SLC4A10: variants seen among roughly 807,000 people sequenced by gnomAD.
SLC4A10 encodes sodium-driven chloride bicarbonate exchanger.
A neutral mutation model predicts 137.7 loss-of-function variants in SLC4A10; 42 were observed. That is an observed-to-expected ratio of 0.30 (90% CI 0.24 to 0.39). The LOEUF (loss-of-function observed/expected upper bound fraction) is 0.39. Ranked by LOEUF, SLC4A10 falls within the 10% of genes least tolerant of loss-of-function variation. SLC4A10 has a pLI of 1.00. For missense variants in SLC4A10, 925 were observed against 1,355.0 expected, an observed-to-expected ratio of 0.68 and a Z score of 4.98; for synonymous variants, 474 against 464.1, an observed-to-expected ratio of 1.02 and a Z score of -0.27.
rs1574601528 is a variant in SLC4A10, at chr2:161,726,966, A to C, written c.49-44007A>C. 3.3e-5 allele frequency among the ~76,000 whole-genome samples: 5 copies of C among 152,364 alleles called. No individual in the cohort carries two copies. The South Asian group carries it at 1.0e-3, about 32-fold the overall frequency. On this transcript the variant is annotated intron_variant, in intron 1 of 26. Coordinates refer to ENST00000446997, the MANE Select transcript of SLC4A10 (RefSeq NM_001178015.2). ...TTGTTTAAAAAAGAGTATTGGATTA[A>C]AAGTTAATCACACTTCCAAATACTC...
intron 2 of SLC4A10, among the ~76,000 whole-genome samples, chr2:161,795,157 T>G (rs2054631450): frequency 6.6e-6 from 1 of 152,168 alleles, no homozygotes; most frequent in Admixed American, 6.6e-5. Context: ...TTTCTGTACC[T>G]GCCAATACAT....
Position 161,904,318 on chromosome 2 carries a change from T to G in SLC4A10, c.1617+140T>G. On this transcript the variant is annotated intron_variant, in intron 13 of 26. Transcript: ENST00000446997. ...TCTGGCAGATACACCTTATATGAAT[T>G]TCCTGGATGGCTAGTGGAACTGGTA... The G allele has an allele frequency of 3.4e-6, 3 of 879,962 alleles. No homozygotes were observed. In the South Asian group the frequency reaches 6.0e-5, roughly 18 times the overall value. 54.5% of individuals were successfully genotyped at this position (879,962 alleles called of 1,614,324 possible).
chr2:161,629,550 T>A (rs1027134099), intron 1 of SLC4A10, among the ~76,000 whole-genome samples: 9 of 151,898 alleles, frequency 5.9e-5, no homozygotes, highest in Admixed American at 2.0e-4. Context: ...TTACAGTTGA[T>A]GAAACATTAT....
intron 4 of SLC4A10, among the ~76,000 whole-genome samples, chr2:161,853,484 C>A (rs996579934): frequency 2.0e-5 from 3 of 152,184 alleles, no homozygotes; most frequent in Non-Finnish European, 4.4e-5. Context: ...ATCACAGACA[C>A]ATGGACTCAC....
At chr2:161,808,963 G>A (rs2056286699) in intron 3 of SLC4A10, among the ~76,000 whole-genome samples, 1 of 152,120 alleles carries the variant, frequency 6.6e-6, no homozygotes, top group African/African-American at 2.4e-5. Context: ...TGGTAGTTCT[G>A]TTTTAATTTC....
At chr2:161,791,964 A>G (rs2125538383) in intron 2 of SLC4A10, among the ~76,000 whole-genome samples, 1 of 152,330 alleles carries the variant, frequency 6.6e-6, no homozygotes, top group African/African-American at 2.4e-5. Flanking sequence ...GAAATCTTAC[A>G]AAAGTATAGC....
intron 4 of SLC4A10, among the ~76,000 whole-genome samples, chr2:161,848,104 G>T (rs1016504138): frequency 7.2e-5 from 11 of 152,146 alleles, no homozygotes; most frequent in African/African-American, 2.6e-4. Context: ...TGTAGTTTTG[G>T]TTTAGATTTC....
chr2:161,687,551 A>G (rs2041569878), intron 1 of SLC4A10, among the ~76,000 whole-genome samples: 1 of 152,104 alleles, frequency 6.6e-6, no homozygotes, highest in Non-Finnish European at 1.5e-5. Context: ...GCCTTTCCTG[A>G]TTTCACTGTT....
chr2:161,657,352 G>T (rs1397401582), intron 1 of SLC4A10, among the ~76,000 whole-genome samples: 2 of 151,904 alleles, frequency 1.3e-5, no homozygotes, highest in South Asian at 4.1e-4. Flanking sequence ...ATCAAAAAAT[G>T]TTAATTCTTT....
chr2:161,645,262 T>A (rs896153777), intron 1 of SLC4A10, among the ~76,000 whole-genome samples: 2 of 152,004 alleles, frequency 1.3e-5, no homozygotes, highest in African/African-American at 4.8e-5. Flanking sequence ...TATGTTCCCA[T>A]GAAACTATGG....
chr2:161,907,636 A>G (rs553280185), intron 15 of SLC4A10, among the ~76,000 whole-genome samples: 1 of 152,348 alleles, frequency 6.6e-6, no homozygotes, highest in African/African-American at 2.4e-5. Context: ...TTTGAGGTTC[A>G]GAGAAGGCTT....
intron 1 of SLC4A10, among the ~76,000 whole-genome samples, chr2:161,696,157 G>A (rs1204231309): frequency 6.6e-6 from 1 of 151,100 alleles, no homozygotes; most frequent in Non-Finnish European, 1.5e-5. Context: ...ATGAGAACAT[G>A]TGGTGTTTGT....
Position 161,983,326 on chromosome 2 carries a change from A to T in SLC4A10, c.*174A>T, listed in dbSNP as rs1160615900. 18 of 1,332,454 alleles carry T rather than the reference A, an allele frequency of 1.4e-5. No individual in the cohort carries two copies. Among genetic ancestry groups the T allele is most frequent in the Non-Finnish European group, 1.7e-5 (17 of 971,578 alleles). 82.5% of individuals were successfully genotyped at this position (1,332,454 alleles called of 1,614,324 possible). A position where few individuals can be genotyped will look rare whatever the true frequency, so the allele number is the denominator to read the frequency against. On this transcript the variant is annotated 3_prime_UTR_variant, in exon 27 of 27. Coordinates refer to ENST00000446997, the MANE Select transcript of SLC4A10 (RefSeq NM_001178015.2). ...TAAAACTGCTTTGATCATGTATTGTAAATTCTGTCCCTCAACCCAAATCCA... is the reference window on the plus strand; with the variant it reads ...TAAAACTGCTTTGATCATGTATTGTTAATTCTGTCCCTCAACCCAAATCCA...
At chr2:161,816,511 G>A (rs183146691) in intron 3 of SLC4A10, among the ~76,000 whole-genome samples, 1 of 151,910 alleles carries the variant, frequency 6.6e-6, no homozygotes, top group Non-Finnish European at 1.5e-5. Context: ...TAAGTTTTAG[G>A]GTACATGTGG....
At chr2:161,676,550 G>T (rs918540939) in intron 1 of SLC4A10, among the ~76,000 whole-genome samples, 14 of 151,994 alleles carry the variant, frequency 9.2e-5, no homozygotes, top group African/African-American at 3.1e-4. Flanking sequence ...TTAAAACTAG[G>T]TTATAAATTA....
chr2:161,679,686 C>CGT (rs67726464), intron 1 of SLC4A10, among the ~76,000 whole-genome samples: 96,727 of 136,462 alleles, frequency 0.71, 34,331 homozygotes, highest in Non-Finnish European at 0.77. Context: ...TGTAGGTCAA[C>CGT]GTGTGTGTGT....
intron 15 of SLC4A10, among the ~76,000 whole-genome samples, chr2:161,929,740 T>A (rs1409479315): frequency 2.0e-5 from 3 of 152,106 alleles, no homozygotes; most frequent in Non-Finnish European, 4.4e-5. Flanking sequence ...TCTCCAAGGA[T>A]CTTAAAACTT....
intron 1 of SLC4A10, among the ~76,000 whole-genome samples, chr2:161,741,820 G>A (rs1326523195): frequency 2.0e-5 from 3 of 152,092 alleles, no homozygotes; most frequent in Non-Finnish European, 4.4e-5. Flanking sequence ...TTTGTATTAC[G>A]AACATTCCAA....
At chr2:161,754,237 G>T (rs892939805) in intron 1 of SLC4A10, among the ~76,000 whole-genome samples, 4 of 151,972 alleles carry the variant, frequency 2.6e-5, no homozygotes, top group Non-Finnish European at 4.4e-5. Flanking sequence ...TCTAAATAGT[G>T]CAACCTCTAG....
Sources: gnomAD v4.1 joint callset for allele counts (sites outside exome capture counted in the v4.1 genomes callset) on GRCh38, gnomAD v4.1.1 for gene constraint, MANE v1.5 for transcripts, NCBI Gene and HGNC (gene_info 2026-07-23, HGNC 2026-07-21) for gene names.